Variants in PCDHA5 observed in about 807,000 individuals in gnomAD.
The protein encoded by PCDHA5 is protocadherin alpha-5.
A neutral mutation model predicts 61.6 loss-of-function variants in PCDHA5; 43 were observed. That is an observed-to-expected ratio of 0.70 (90% confidence interval 0.55 to 0.90). The LOEUF (loss-of-function observed/expected upper bound fraction) is 0.90, where lower values mean the gene tolerates loss of function less well. Ranked by LOEUF, PCDHA5 falls within the 40% of genes least tolerant of loss-of-function variation. The pLI, the probability that PCDHA5 is intolerant of heterozygous loss-of-function variation, is 0.00. For missense variants in PCDHA5, 1,298 were observed against 1,222.7 expected, an observed-to-expected ratio of 1.06 and a Z score of -0.92; for synonymous variants, 627 against 543.9, an observed-to-expected ratio of 1.15 and a Z score of -2.13.
At chr5:140,930,208 A>G (rs939593947) in intron 1 of PCDHA5, 39 of 152,338 alleles carry the variant, frequency 2.6e-4, no homozygotes, top group African/African-American at 8.2e-4. Flanking sequence ...AGAAATATTT[A>G]TGTGTTCAAA....
At chr5:140,969,161 G>A (rs782498682) in intron 1 of PCDHA5, 1 of 1,614,156 alleles carries the variant, frequency 6.2e-7, no homozygotes, top group South Asian at 1.1e-5. Context: ...CTGTCTGACA[G>A]CAGGCTCAGG....
At chr5:140,930,711 C>G (rs10214249) in intron 1 of PCDHA5, among the ~76,000 whole-genome samples, 2,020 of 152,280 alleles carry the variant, frequency 0.013, 38 homozygotes, top group African/African-American at 0.046. Flanking sequence ...TATTCTTCCT[C>G]AAGTAATGAT....
intron 1 of PCDHA5, chr5:140,828,729 C>T (rs1554131485): frequency 2.5e-6 from 4 of 1,614,254 alleles, no homozygotes; most frequent in Non-Finnish European, 3.4e-6. Flanking sequence ...TTATTCCTGA[C>T]AGCCACAGAT....
chr5:140,860,911 G>A (rs1302618157), intron 1 of PCDHA5: 1 of 152,150 alleles, frequency 6.6e-6, no homozygotes, highest in Non-Finnish European at 1.5e-5. Context: ...CTAATTTTTT[G>A]TATTTTTAGT....
chr5:140,990,852 A>T (rs1265916406), intron 3 of PCDHA5, among the ~76,000 whole-genome samples: 2 of 152,198 alleles, frequency 1.3e-5, no homozygotes, highest in Non-Finnish European at 1.5e-5. Context: ...TAGAGCCCTG[A>T]GGACATTGTA....
At chr5:140,877,594 T>G (rs782719581) in intron 1 of PCDHA5, 110 of 1,613,680 alleles carry the variant, frequency 6.8e-5, no homozygotes, top group Non-Finnish European at 9.3e-5. Context: ...CTGTGCGGTG[T>G]CCAGCCTGCT....
intron 3 of PCDHA5, among the ~76,000 whole-genome samples, chr5:140,997,970 G>A (rs2097791868): frequency 2.0e-5 from 3 of 152,106 alleles, no homozygotes; most frequent in Admixed American, 2.0e-4. Context: ...ACCTGTGGTT[G>A]GACTGCACTT....
rs2150366825 is a variant in PCDHA5, at chr5:140,843,799, A to G, written c.2352+19672A>G. Reference sequence around the variant, plus strand: ...AAAAGTGTTTCAGATTTAGTTTTTCACCGTATTTTATAGTGAAAATTTAAA... The same window carrying G: ...AAAAGTGTTTCAGATTTAGTTTTTCGCCGTATTTTATAGTGAAAATTTAAA... On this transcript the variant is annotated intron_variant, in intron 1 of 3. Transcript: ENST00000529859. 59 of 1,346,314 alleles carry G rather than the reference A, an allele frequency of 4.4e-5. 4 individuals carry two copies. Among genetic ancestry groups the G allele is most frequent in the Middle Eastern group, 2.1e-4 (1 of 4,868 alleles). The allele number at this position is 1,346,314 out of a possible 1,614,324, so 83.4% of individuals were successfully genotyped here.
At chr5:140,859,117 T>C (rs1441256234) in intron 1 of PCDHA5, 3 of 150,206 alleles carry the variant, frequency 2.0e-5, no homozygotes, top group Non-Finnish European at 4.5e-5. Context: ...AGAAAATGTA[T>C]GTTTCTTTTA....
At chr5:140,951,523 G>A (rs868992487) in intron 1 of PCDHA5, among the ~76,000 whole-genome samples, 1 of 151,994 alleles carries the variant, frequency 6.6e-6, no homozygotes, top group Non-Finnish European at 1.5e-5. Context: ...ATCTTACATG[G>A]CCGGTGCAGG....
At chr5:140,927,105 C>T in intron 1 of PCDHA5, 1 of 1,613,778 alleles carries the variant, frequency 6.2e-7, no homozygotes, top group Non-Finnish European at 8.5e-7. Flanking sequence ...TGGATCTACC[C>T]AGCGGCAATT....
intron 1 of PCDHA5, among the ~76,000 whole-genome samples, chr5:140,879,081 T>C (rs1425343317): frequency 1.3e-5 from 2 of 152,084 alleles, no homozygotes; most frequent in African/African-American, 4.8e-5. Flanking sequence ...GAGAGATAAG[T>C]AGGAACAACT....
At chr5:140,949,383 T>C (rs2094373133) in intron 1 of PCDHA5, among the ~76,000 whole-genome samples, 1 of 151,882 alleles carries the variant, frequency 6.6e-6, no homozygotes, top group Non-Finnish European at 1.5e-5. Flanking sequence ...TATCAATTGC[T>C]CAGAGAGCAG....
intron 1 of PCDHA5, chr5:140,852,488 G>A (rs1554145834): frequency 4.7e-6 from 1 of 213,506 alleles, no homozygotes; most frequent in African/African-American, 2.4e-5. Context: ...ATGTTGGCCA[G>A]GTTGGTCTCG....
chr5:140,988,817 C>T (rs1244038207), intron 3 of PCDHA5: 8 of 152,028 alleles, frequency 5.3e-5, no homozygotes, highest in Admixed American at 1.3e-4. Context: ...TAACAGTAGC[C>T]CCAAACAGAG....
At chr5:140,883,387 T>C in intron 1 of PCDHA5, 1 of 1,614,150 alleles carries the variant, frequency 6.2e-7, no homozygotes, top group Non-Finnish European at 8.5e-7. Flanking sequence ...CCCTAATCAG[T>C]GTGTCCGATC....
chr5:140,974,994 A>C (rs901871984), intron 1 of PCDHA5, among the ~76,000 whole-genome samples: 8 of 152,126 alleles, frequency 5.3e-5, no homozygotes, highest in African/African-American at 1.9e-4. Flanking sequence ...AGGTATTCTC[A>C]AGGCTGAAAT....
At position 140,843,705 on chromosome 5, in the gene PCDHA5, A is replaced by G. The variant is rs1779053094; in HGVS notation, c.2352+19578A>G. ...GAAGAGCAAGATTTAAATGTTGATC[A>G]TGGCCTCAAAGTAAGTCCATTTAAA... On this transcript the variant is annotated intron_variant, in intron 1 of 3. Transcript: ENST00000529859. 5.7e-6 allele frequency: 9 copies of G among 1,579,940 alleles called. No individual in the cohort carries two copies. The African/African-American group carries it at 6.7e-5, about 12-fold the overall frequency.
intron 1 of PCDHA5, among the ~76,000 whole-genome samples, chr5:140,905,814 G>A (rs1303983123): frequency 6.6e-6 from 1 of 152,090 alleles, no homozygotes; most frequent in South Asian, 2.1e-4. Flanking sequence ...GAATTAATAG[G>A]CTAGATGTGT....
Sources: gnomAD v4.1 joint callset for allele counts (sites outside exome capture counted in the v4.1 genomes callset) on GRCh38, gnomAD v4.1.1 for gene constraint, MANE v1.5 for transcripts, NCBI Gene and HGNC (gene_info 2026-07-23, HGNC 2026-07-21) for gene names.